The following GLB1L3 variants were observed in gnomAD, a reference collection of about 807,000 sequenced individuals.
The protein encoded by GLB1L3 is galactosidase beta 1 like 3, also known as beta-galactosidase-1-like protein 3.
A neutral mutation model predicts 89.5 loss-of-function variants in GLB1L3; 89 were observed. The ratio of observed to expected loss-of-function variants is 0.99; its 90% CI spans 0.84 to 1.19. The LOEUF (loss-of-function observed/expected upper bound fraction) is 1.19. GLB1L3 is among the 50% of genes most tolerant of loss of function. The pLI is 0.00. For synonymous variants in GLB1L3, 314 were observed against 312.3 expected (o/e 1.01, Z -0.06); for missense variants, 812 against 813.3 (o/e 1.00, Z 0.02).
chr11:134,288,842 G>A lies in GLB1L3; in HGVS notation c.681G>A (p.Glu227=), dbSNP rs372851992. 6.2e-7 allele frequency: 1 copy of A among 1,613,454 alleles called. No homozygotes were observed. Among genetic ancestry groups the A allele is most frequent in the Non-Finnish European group, 8.5e-7 (1 of 1,179,706 alleles). ...GPVIAVQVEN[E]YGSFNKDKTY... Reference sequence around the variant, plus strand: ...TCATCGCGGTGCAAGTGGAGAATGAGTATGGCTCATTCAATAAGGATAAAA... The same window carrying A: ...TCATCGCGGTGCAAGTGGAGAATGAATATGGCTCATTCAATAAGGATAAAA... The change falls in exon 7 of 20, where the codon GAG becomes GAA. Residue 227 remains glutamate (E), a synonymous_variant. Coordinates refer to ENST00000431683, the MANE Select transcript of GLB1L3 (RefSeq NM_001080407.3).
chr11:134,322,210 A>G (rs1943176932), downstream of GLB1L3, among the ~76,000 whole-genome samples: 3 of 152,224 alleles, frequency 2.0e-5, no homozygotes, highest in Admixed American at 2.0e-4. Flanking sequence ...AGGTGTTACT[A>G]GGTATAGAGG....
chr11:134,285,525 G>A (rs561334300), intron 6 of GLB1L3, among the ~76,000 whole-genome samples: 27 of 152,170 alleles, frequency 1.8e-4, no homozygotes, highest in Admixed American at 3.9e-4. Flanking sequence ...GTGGCTCACG[G>A]CTGTAATCCC....
At chr11:134,312,759 C>T in intron 14 of GLB1L3, 57 bp from the exon 15 acceptor site, 1 of 1,446,360 alleles carries the variant, frequency 6.9e-7, no homozygotes, top group South Asian at 1.2e-5. Context: ...ACCGCGGCCT[C>T]TCTTCTCCCT....
At chr11:134,301,431 A>G (rs1428256019) in intron 9 of GLB1L3, among the ~76,000 whole-genome samples, 1 of 152,088 alleles carries the variant, frequency 6.6e-6, no homozygotes, top group Non-Finnish European at 1.5e-5. Flanking sequence ...AATTATGCAC[A>G]CTATCTTCTT....
chr11:134,299,698 A>G (rs1435280742), intron 9 of GLB1L3, among the ~76,000 whole-genome samples: 1 of 152,002 alleles, frequency 6.6e-6, no homozygotes, highest in Non-Finnish European at 1.5e-5. Flanking sequence ...CTTTTTCTCC[A>G]GCTTGGTTAG....
chr11:134,295,292 C>T (rs1244224066), intron 9 of GLB1L3, among the ~76,000 whole-genome samples: 1 of 152,188 alleles, frequency 6.6e-6, no homozygotes, highest in African/African-American at 2.4e-5. Context: ...TCTCTAACAA[C>T]ACAGGAAAAT....
chr11:134,285,685 G>A (rs547660896), intron 6 of GLB1L3, among the ~76,000 whole-genome samples: 2 of 152,232 alleles, frequency 1.3e-5, no homozygotes, highest in South Asian at 4.1e-4. Flanking sequence ...GGGAAGCTAA[G>A]GTGGGAGGAT....
intron 9 of GLB1L3, among the ~76,000 whole-genome samples, chr11:134,299,960 C>T (rs1387988653): frequency 6.6e-6 from 1 of 152,148 alleles, no homozygotes; most frequent in Non-Finnish European, 1.5e-5. Context: ...TGTTTCTCAG[C>T]TGATTGGGGC....
At chr11:134,289,418 C>T (rs1233670136) in intron 7 of GLB1L3, among the ~76,000 whole-genome samples, 6 of 151,922 alleles carry the variant, frequency 3.9e-5, no homozygotes, top group Non-Finnish European at 7.4e-5. Context: ...GATTGTAACT[C>T]GTATTGAAAA....
intron 9 of GLB1L3, among the ~76,000 whole-genome samples, chr11:134,296,385 A>G (rs1289062644): frequency 4.4e-5 from 6 of 134,888 alleles, no homozygotes; most frequent in Non-Finnish European, 6.3e-5. Flanking sequence ...ATAAAGACAC[A>G]TGCACACGTA....
At chr11:134,303,057 T>G (rs917123049) in intron 9 of GLB1L3, among the ~76,000 whole-genome samples, 3 of 152,256 alleles carry the variant, frequency 2.0e-5, no homozygotes, top group African/African-American at 4.8e-5. Flanking sequence ...TTTATCTTCA[T>G]GGACATGAAA....
At chr11:134,313,616 G>A (rs940846544) in intron 16 of GLB1L3, 142 bp downstream of exon 16, 13 of 741,274 alleles carry the variant, frequency 1.8e-5, no homozygotes, top group African/African-American at 8.7e-5. Context: ...ATGCAAAATC[G>A]GCCCCTCGCC....
At position 134,288,889 on chromosome 11, in the gene GLB1L3, A is replaced by G. The variant is rs1362150902; in HGVS notation, c.728A>G (p.Lys243Arg). ...KDKTYMPYLH[K>R]ALLRRGIVEL... Reference sequence around the variant, plus strand: ...AAAACATACATGCCGTATCTCCACAAGGTAAGAGGGCCTTGGTTTGGCCCC... The same window carrying G: ...AAAACATACATGCCGTATCTCCACAGGGTAAGAGGGCCTTGGTTTGGCCCC... The change falls in exon 7 of 20, where the codon AAG becomes AGG. Residue 243 changes from lysine (K) to arginine (R), a missense_variant and splice_region_variant. Coordinates refer to ENST00000431683, the MANE Select transcript of GLB1L3 (RefSeq NM_001080407.3). The G allele has an allele frequency of 6.2e-7, 1 of 1,606,764 alleles. No homozygotes were observed. Among genetic ancestry groups the G allele is most frequent in the East Asian group, 2.2e-5 (1 of 44,820 alleles).
rs541930856 is a variant in GLB1L3, at chr11:134,282,295, C to T, written c.527+175C>T. Among the ~76,000 whole-genome samples, 9 of 152,230 alleles carry T rather than the reference C, an allele frequency of 5.9e-5. No homozygotes were observed. The South Asian group carries it at 1.2e-3, about 21-fold the overall frequency. ...GTCTTGTGGGAAGCCTGCGGTACTG[C>T]GGTGGCGGGGGGCGGGGTGCAGTTG... On this transcript the variant is annotated intron_variant, in intron 5 of 19. Coordinates refer to ENST00000431683, the MANE Select transcript of GLB1L3 (RefSeq NM_001080407.3).
At chr11:134,290,655 G>A (rs1038005726) in intron 7 of GLB1L3, among the ~76,000 whole-genome samples, 2 of 149,654 alleles carry the variant, frequency 1.3e-5, no homozygotes, top group Non-Finnish European at 3.0e-5. Context: ...GGTCTGACTC[G>A]ATAAGCACAG....
chr11:134,311,923 A>C (rs1942752758), intron 13 of GLB1L3: 1 of 155,640 alleles, frequency 6.4e-6, no homozygotes, highest in Admixed American at 6.4e-5. Flanking sequence ...CAGCCTCTTG[A>C]GTAGCTGGGA....
chr11:134,308,495 CCAAA>C (rs1474943681), intron 10 of GLB1L3, among the ~76,000 whole-genome samples: 2 of 13,214 alleles, frequency 1.5e-4, no homozygotes, highest in Non-Finnish European at 4.2e-4. Context: ...ACCATCACCA[CCAAA>C]TACCACCACC....
At chr11:134,289,276 T>C (rs7107913) in intron 7 of GLB1L3, among the ~76,000 whole-genome samples, 21 of 152,182 alleles carry the variant, frequency 1.4e-4, no homozygotes, top group African/African-American at 2.4e-5. Context: ...TGGATCATGG[T>C]AAAGGTCTTT....
At chr11:134,284,744 A>C (rs1591537735) in intron 6 of GLB1L3, among the ~76,000 whole-genome samples, 1 of 151,876 alleles carries the variant, frequency 6.6e-6, no homozygotes, top group East Asian at 1.9e-4. Context: ...ACAAAACGAA[A>C]CAAAAAAACA....
Sources: gnomAD v4.1 joint callset for allele counts (sites outside exome capture counted in the v4.1 genomes callset) on GRCh38, gnomAD v4.1.1 for gene constraint, MANE v1.5 for transcripts, NCBI Gene and HGNC (gene_info 2026-07-23, HGNC 2026-07-21) for gene names.